Variants in ODF2L observed in about 807,000 individuals in gnomAD.
ODF2L encodes outer dense fiber of sperm tails 2 like.
In ODF2L, 76 loss-of-function variants were observed where a neutral mutation model predicts 86.3. The observed-to-expected ratio is 0.88, with a 90% CI of 0.73 to 1.07. ODF2L has a LOEUF of 1.07. Ranked by LOEUF, ODF2L falls within the 50% of genes least tolerant of loss-of-function variation. The probability of loss-of-function intolerance (pLI) is 0.00; values close to 1 mark genes in which losing one functional copy is unlikely to be tolerated. For synonymous variants in ODF2L, 241 were observed against 231.3 expected, an observed-to-expected ratio of 1.04 and a Z score of -0.38; for missense variants, 748 against 717.4, an observed-to-expected ratio of 1.04 and a Z score of -0.49.
chr1:86,361,896 C>T (rs1490271792), intron 11 of ODF2L, among the ~76,000 whole-genome samples: 2 of 152,108 alleles, frequency 1.3e-5, no homozygotes, highest in East Asian at 3.9e-4. Context: ...TTCCCTTCCT[C>T]CATGAAGCTT....
chr1:86,385,378 A>T, intron 3 of ODF2L, 80 bp downstream of exon 3: 1 of 813,158 alleles, frequency 1.2e-6, no homozygotes, highest in Non-Finnish European at 1.9e-6. Context: ...GCATACCTAT[A>T]TAAGATATGA....
intron 12 of ODF2L, 96 bp downstream of exon 11, chr1:86,360,330 C>T: frequency 1.7e-6 from 1 of 588,380 alleles, no homozygotes; most frequent in Non-Finnish European, 3.0e-6. Flanking sequence ...ATGATAGCCC[C>T]ACCTCTCTTC....
At position 86,382,223 on chromosome 1, in the gene ODF2L, A is replaced by T. The variant is rs1251468930; in HGVS notation, c.624+19T>A. 2 of 1,562,514 alleles carry T rather than the reference A, an allele frequency of 1.3e-6. No individual in the cohort carries two copies. The highest frequency in any genetic ancestry group is 8.6e-7 in the Non-Finnish European group (1 of 1,159,778). ...TTTATCACTTAAGCTATAAAAATGG[A>T]TATATATTTATATATAACCTTTACA... On this transcript the variant is annotated intron_variant, in intron 7 of 17. Coordinates refer to ENST00000317336, the Ensembl canonical transcript of ODF2L.
At chr1:86,389,687 A>G (rs1570440429) in intron 1 of ODF2L, among the ~76,000 whole-genome samples, 1 of 152,146 alleles carries the variant, frequency 6.6e-6, no homozygotes, top group African/African-American at 2.4e-5. Flanking sequence ...AATAAGCTCA[A>G]TTAGAAATGA....
At chr1:86,386,053 T>C (rs942559236) in intron 2 of ODF2L, 2 of 152,702 alleles carry the variant, frequency 1.3e-5, no homozygotes, top group African/African-American at 2.4e-5. Context: ...TTAAAAACCA[T>C]GGGCAGAAAG....
intron 13 of ODF2L, among the ~76,000 whole-genome samples, chr1:86,357,044 T>G (rs888036757): frequency 1.3e-5 from 2 of 152,234 alleles, no homozygotes; most frequent in Non-Finnish European, 2.9e-5. Context: ...TTCACTCATC[T>G]TAGCCAAAAC....
At chr1:86,361,041 G>C (rs908747213) in intron 11 of ODF2L, 7 of 152,138 alleles carry the variant, frequency 4.6e-5, no homozygotes, top group Admixed American at 1.3e-4. Context: ...AGACAATTCA[G>C]ATAAAACTGT....
intron 7 of ODF2L, among the ~76,000 whole-genome samples, chr1:86,378,130 C>T (rs771611181): frequency 4.6e-5 from 7 of 152,128 alleles, no homozygotes; most frequent in Non-Finnish European, 1.0e-4. Flanking sequence ...TTTCTTCTAC[C>T]AGATACCCTA....
intron 1 of ODF2L, among the ~76,000 whole-genome samples, chr1:86,389,126 A>G (rs1427686776): frequency 6.6e-6 from 1 of 152,220 alleles, no homozygotes; most frequent in East Asian, 1.9e-4. Context: ...GTCCTGCTTT[A>G]TAAGAAATGC....
chr1:86,352,367 C>A (rs530462434), intron 17 of ODF2L, among the ~76,000 whole-genome samples: 30 of 152,172 alleles, frequency 2.0e-4, no homozygotes, highest in African/African-American at 6.7e-4. Flanking sequence ...TAAGCACAGT[C>A]ACTTTGGTAT....
rs372863501 is a variant in ODF2L at position 86,358,782 on chromosome 1, C to T, written c.1359+5G>A. ...AATATTATTTATTTGAAATTCCAAA[C>T]GTACCTTCTCTACATTTTTATTTTT... On this transcript the variant is annotated splice_donor_5th_base_variant and intron_variant, in intron 13 of 17. Coordinates refer to ENST00000317336, the Ensembl canonical transcript of ODF2L. 27 of 1,122,816 alleles carry T rather than the reference C, an allele frequency of 2.4e-5. No individual in the cohort carries two copies. Among genetic ancestry groups the T allele is most frequent in the Middle Eastern group, 2.2e-4 (1 of 4,470 alleles). 69.6% of individuals were successfully genotyped at this position (1,122,816 alleles called of 1,614,324 possible).
intron 8 of ODF2L, among the ~76,000 whole-genome samples, chr1:86,375,849 C>T (rs555023251): frequency 6.6e-6 from 1 of 152,184 alleles, no homozygotes; most frequent in Non-Finnish European, 1.5e-5. Context: ...GTTCAATACC[C>T]TTCATTCCAC....
intron 11 of ODF2L, among the ~76,000 whole-genome samples, chr1:86,362,197 A>T (rs932001289): frequency 6.6e-6 from 1 of 152,036 alleles, no homozygotes; most frequent in African/African-American, 2.4e-5. Flanking sequence ...GAGATGGTAT[A>T]ATGCCTTGTA....
At chr1:86,365,673 A>C (rs2100937261) in intron 11 of ODF2L, among the ~76,000 whole-genome samples, 1 of 152,306 alleles carries the variant, frequency 6.6e-6, no homozygotes, top group South Asian at 2.1e-4. Context: ...AAAATAACAG[A>C]CCAGGGGCTA....
At chr1:86,380,441 T>C (rs1660497043) in intron 7 of ODF2L, among the ~76,000 whole-genome samples, 1 of 152,142 alleles carries the variant, frequency 6.6e-6, no homozygotes, top group South Asian at 2.1e-4. Context: ...AACACTGTTG[T>C]CATTCCTCTA....
At position 86,376,430 on chromosome 1, in the gene ODF2L, AT is replaced by A; in HGVS notation, c.625-13del. ...TTGGTTTCTAAGCTCTAAAAAAAAA[AT>A]TAGCAACAATTAAATTATTTCAGAA... is the stretch of plus-strand genomic sequence containing the variant. On this transcript the variant is annotated splice_polypyrimidine_tract_variant and intron_variant, in intron 7 of 17. Coordinates refer to ENST00000317336, the Ensembl canonical transcript of ODF2L. 2 of 1,495,828 alleles carry A rather than the reference AT, an allele frequency of 1.3e-6. No individual in the cohort carries two copies. Among genetic ancestry groups the A allele is most frequent in the Non-Finnish European group, 9.1e-7 (1 of 1,096,966 alleles). 92.7% of individuals were successfully genotyped at this position (1,495,828 alleles called of 1,614,324 possible). A position where few individuals can be genotyped will look rare whatever the true frequency, so the allele number is the denominator to read the frequency against.
chr1:86,365,906 G>T (rs958258920), intron 11 of ODF2L, among the ~76,000 whole-genome samples: 4 of 152,136 alleles, frequency 2.6e-5, no homozygotes, highest in African/African-American at 9.7e-5. Context: ...ACTCAAGGCA[G>T]AACACCTGGA....
chr1:86,347,011 T>C (rs1213954561), downstream of ODF2L: 2 of 152,184 alleles, frequency 1.3e-5, no homozygotes, highest in South Asian at 2.1e-4. Flanking sequence ...TGAGTTAATA[T>C]ATTATCACAA....
intron 11 of ODF2L, among the ~76,000 whole-genome samples, chr1:86,366,068 C>G (rs1035398608): frequency 1.3e-5 from 2 of 152,164 alleles, no homozygotes; most frequent in African/African-American, 4.8e-5. Context: ...CAGTAAACTG[C>G]TAGTTTCCCA....
Sources: allele counts gnomAD v4.1 joint callset (sites outside exome capture counted in the v4.1 genomes callset), GRCh38; gene constraint gnomAD v4.1.1; transcripts MANE v1.5; gene names NCBI Gene and HGNC (gene_info 2026-07-23, HGNC 2026-07-21).